The following GRIK2 variants were observed in gnomAD, a reference collection of about 807,000 sequenced individuals.
The protein encoded by GRIK2 is glutamate receptor ionotropic, kainate 2.
GRIK2 carries 32 observed loss-of-function variants against 100.3 expected under a neutral mutation model. That is an observed-to-expected ratio of 0.32 (90% CI 0.24 to 0.43). The LOEUF is 0.43. Among genes scored for constraint, GRIK2 ranks in the 20% least tolerant of loss-of-function variants. GRIK2 has a pLI of 1.00. For missense variants in GRIK2, 843 were observed against 1,114.9 expected, an observed-to-expected ratio of 0.76 and a Z score of 3.47; for synonymous variants, 417 against 389.4, an observed-to-expected ratio of 1.07 and a Z score of -0.83.
chr6:101,478,506 G>GTTTTTTTTTTTTTTTTTTTTT (rs5878666), intron 2 of GRIK2, among the ~76,000 whole-genome samples: 1 of 119,580 alleles, frequency 8.4e-6, no homozygotes, highest in Non-Finnish European at 1.7e-5. Context: ...TTCTGTTTTG[G>GTTTTTTTTTTTTTTTTTTTTT]TTTTTTTTTT....
At chr6:102,008,826 G>C (rs1324644591) in intron 14 of GRIK2, among the ~76,000 whole-genome samples, 2 of 151,958 alleles carry the variant, frequency 1.3e-5, no homozygotes. Flanking sequence ...CCAGAACCAT[G>C]CTATTATAAT....
At chr6:101,942,573 C>A (rs941667953) in intron 14 of GRIK2, among the ~76,000 whole-genome samples, 2 of 152,176 alleles carry the variant, frequency 1.3e-5, no homozygotes, top group Non-Finnish European at 2.9e-5. Flanking sequence ...TTATTGGGAA[C>A]TGGAGTACAG....
At chr6:101,615,991 C>T (rs896484187) in intron 2 of GRIK2, among the ~76,000 whole-genome samples, 3 of 151,848 alleles carry the variant, frequency 2.0e-5, no homozygotes, top group East Asian at 1.9e-4. Context: ...CTGCAGATTA[C>T]AGATAATTGC....
intron 14 of GRIK2, among the ~76,000 whole-genome samples, chr6:101,947,266 A>G (rs904054801): frequency 6.6e-6 from 1 of 152,076 alleles, no homozygotes; most frequent in African/African-American, 2.4e-5. Context: ...TCCTATTCTC[A>G]TTTTTAGTGT....
At chr6:101,526,394 C>T (rs1775158413) in intron 2 of GRIK2, among the ~76,000 whole-genome samples, 1 of 152,066 alleles carries the variant, frequency 6.6e-6, no homozygotes, top group African/African-American at 2.4e-5. Context: ...AAACTATATG[C>T]ATTTGCTTAT....
chr6:101,688,226 G>A (rs1771848897), intron 7 of GRIK2, among the ~76,000 whole-genome samples: 1 of 151,034 alleles, frequency 6.6e-6, no homozygotes, highest in African/African-American at 2.4e-5. Context: ...TTTAAGAAAA[G>A]TAAATCAGTA....
chr6:101,875,804 A>G (rs906375968), intron 11 of GRIK2, among the ~76,000 whole-genome samples: 2 of 151,884 alleles, frequency 1.3e-5, no homozygotes, highest in African/African-American at 2.4e-5. Flanking sequence ...CAATACAAGG[A>G]CCTTAGGAAG....
At chr6:102,011,952 G>A (rs993263284) in intron 14 of GRIK2, among the ~76,000 whole-genome samples, 2 of 152,064 alleles carry the variant, frequency 1.3e-5, no homozygotes, top group Non-Finnish European at 1.5e-5. Context: ...CATACCCAAA[G>A]TTACCTAGAT....
chr6:101,482,480 T>C (rs921870864), intron 2 of GRIK2, among the ~76,000 whole-genome samples: 8 of 151,988 alleles, frequency 5.3e-5, no homozygotes, highest in Non-Finnish European at 1.2e-4. Flanking sequence ...TACGTTCTTG[T>C]GGGTGAGACA....
At chr6:101,638,129 G>A (rs986710354) in intron 4 of GRIK2, among the ~76,000 whole-genome samples, 1 of 151,318 alleles carries the variant, frequency 6.6e-6, no homozygotes, top group Admixed American at 6.6e-5. Context: ...GGTCATGGAA[G>A]CTCTAAATAT....
At chr6:101,786,651 T>C (rs1779438646) in intron 7 of GRIK2, among the ~76,000 whole-genome samples, 1 of 152,144 alleles carries the variant, frequency 6.6e-6, no homozygotes, top group Admixed American at 6.5e-5. Flanking sequence ...CACTTGATCA[T>C]GTTGTAGTAC....
rs182127623 is a variant in GRIK2 at position 101,483,734 on chromosome 6, C to T, written c.115+84342C>T. On this transcript the variant is annotated intron_variant, in intron 2 of 16. Transcript: ENST00000369134. ...GGGATTACAGGTGCCCACCACCATG[C>T]TCAGCTAATTTTTTGTATTTTTAGT... 7.4e-4 allele frequency among the ~76,000 whole-genome samples: 113 copies of T among 152,240 alleles called. 3 individuals are homozygous for T. In the East Asian group the frequency reaches 0.021, roughly 28 times the overall value.
chr6:102,057,509 C>T (rs1480708748), intron 16 of GRIK2, among the ~76,000 whole-genome samples: 2 of 151,850 alleles, frequency 1.3e-5, no homozygotes, highest in Admixed American at 6.6e-5. Flanking sequence ...ATATGATCCT[C>T]TAAAAATTAG....
At chr6:101,815,858 T>C (rs1265531190) in intron 9 of GRIK2, among the ~76,000 whole-genome samples, 1 of 152,140 alleles carries the variant, frequency 6.6e-6, no homozygotes, top group African/African-American at 2.4e-5. Flanking sequence ...ATTTCTGAAA[T>C]GTCATAATAT....
At chr6:101,996,308 G>T (rs1340538698) in intron 14 of GRIK2, among the ~76,000 whole-genome samples, 1 of 151,972 alleles carries the variant, frequency 6.6e-6, no homozygotes, top group Non-Finnish European at 1.5e-5. Context: ...TTATAGTTTA[G>T]GGATAAATGC....
chr6:101,680,168 A>G (rs1253344993), intron 5 of GRIK2, among the ~76,000 whole-genome samples: 1 of 152,226 alleles, frequency 6.6e-6, no homozygotes, highest in East Asian at 1.9e-4. Context: ...TCTCAAGGTG[A>G]TGAAGAAAAA....
intron 2 of GRIK2, among the ~76,000 whole-genome samples, chr6:101,585,321 G>C (rs1778308370): frequency 6.6e-6 from 1 of 152,030 alleles, no homozygotes; most frequent in South Asian, 2.1e-4. Context: ...ACGTATGTGA[G>C]TATGAGTATG....
At chr6:101,547,393 T>C (rs1332542378) in intron 2 of GRIK2, among the ~76,000 whole-genome samples, 3 of 152,192 alleles carry the variant, frequency 2.0e-5, no homozygotes, top group Non-Finnish European at 4.4e-5. Flanking sequence ...TATGTATACA[T>C]GTGCCATGTT....
intron 7 of GRIK2, among the ~76,000 whole-genome samples, chr6:101,770,002 C>T (rs114167463): frequency 0.01 from 1,575 of 152,240 alleles, 27 homozygotes; most frequent in African/African-American, 0.036. Context: ...TTCTGATGGC[C>T]TTTGTGCAAG....
Sources: allele counts gnomAD v4.1 joint callset (sites outside exome capture counted in the v4.1 genomes callset), GRCh38; gene constraint gnomAD v4.1.1; transcripts MANE v1.5; gene names NCBI Gene and HGNC (gene_info 2026-07-23, HGNC 2026-07-21).